PRR14: variants seen among roughly 807,000 people sequenced by gnomAD.
PRR14 encodes proline-rich protein 14.
PRR14 carries 33 observed loss-of-function variants against 57.2 expected under a neutral mutation model. The observed-to-expected ratio is 0.58, with a 90% CI of 0.44 to 0.77. The LOEUF (loss-of-function observed/expected upper bound fraction) is 0.77. Among genes scored for constraint, PRR14 ranks in the 30% least tolerant of loss-of-function variants. PRR14 has a pLI of 0.00. For synonymous variants in PRR14, 303 were observed against 314.7 expected, an observed-to-expected ratio of 0.96 and a Z score of 0.39; for missense variants, 716 against 788.1, an observed-to-expected ratio of 0.91 and a Z score of 1.10.
chr16:30,651,613 C>T lies in PRR14; in HGVS notation c.-33C>T. On this transcript the variant is annotated 5_prime_UTR_variant, in exon 2 of 12. Transcript: ENST00000300835. The surrounding 1 kb of genome is among the most constrained non-coding windows in gnomAD (Gnocchi z 5.0). Reference sequence around the variant, plus strand: ...TACCCCAGGCCGCAGCCTGGGATTCCCCAGGGACCCCCCCGGAGCCGCCGC... The same window carrying T: ...TACCCCAGGCCGCAGCCTGGGATTCTCCAGGGACCCCCCCGGAGCCGCCGC... The T allele has an allele frequency of 1.1e-5, 17 of 1,569,246 alleles. No individual in the cohort carries two copies. The highest frequency in any genetic ancestry group is 1.5e-5 in the Non-Finnish European group (17 of 1,157,088).
Position 30,655,694 on chromosome 16 carries a change from C to T in PRR14, c.1406+101C>T, listed in dbSNP as rs1446552389. The T allele has an allele frequency of 1.5e-6, 2 of 1,328,744 alleles. No individual in the cohort carries two copies. 82.3% of individuals were successfully genotyped at this position (1,328,744 alleles called of 1,614,324 possible). On this transcript the variant is annotated intron_variant, in intron 10 of 11. Coordinates refer to ENST00000300835, the MANE Select transcript of PRR14 (RefSeq NM_024031.5). The surrounding 1 kb of genome is among the most constrained non-coding windows in gnomAD (Gnocchi z 4.6). ...CTCCCCTCAGGGAGCACAGTCCAGC[C>T]TGAAAGATTCAATTCGGTGTGGGGA...
At chr16:30,653,260 C>T in intron 5 of PRR14, 105 bp from the exon 6 acceptor site, 1 of 1,441,742 alleles carries the variant, frequency 6.9e-7, no homozygotes, top group East Asian at 2.3e-5. Flanking sequence ...ATAAAAACGT[C>T]TTTGGCGTGA....
At position 30,652,980 on chromosome 16, in the gene PRR14, G is replaced by A; in HGVS notation, c.381G>A (p.Leu127=). 1 of 1,614,180 alleles carries A rather than the reference G, an allele frequency of 6.2e-7. No homozygotes were observed. The highest frequency in any genetic ancestry group is 8.5e-7 in the Non-Finnish European group (1 of 1,180,028). Residue 127 remains leucine (L), a synonymous_variant, in exon 5 of 12, where the codon CTG becomes CTA. Coordinates refer to ENST00000300835, the MANE Select transcript of PRR14 (RefSeq NM_024031.5). ...LSRIHRTSST[L]RRRSRTTPGP... ...GCATCCACCGGACCTCTTCCACCCT[G>A]AGGCGGCGATCAAGGACAACCCCTG...
Position 30,652,813 on chromosome 16 carries a change from C to T in PRR14, c.285C>T (p.Pro95=). Residue 95 remains proline (P), a synonymous_variant, in exon 4 of 12, where the codon CCC becomes CCT. Transcript: ENST00000300835. ...ACAGGCAGCCGCCTGCCTCGCCACC[C>T]CGGCAGGCCGGGTGGTCCTCGCAGG... ...PVHRQPPASP[P]RQAGWSSQAR... 1 of 1,614,212 alleles carries T rather than the reference C, an allele frequency of 6.2e-7. No homozygotes were observed. Among genetic ancestry groups the T allele is most frequent in the South Asian group, 1.1e-5 (1 of 91,088 alleles).
Position 30,653,117 on chromosome 16 carries a change from G to A in PRR14, c.504+14G>A. The A allele has an allele frequency of 6.3e-7, 1 of 1,581,682 alleles. No individual in the cohort carries two copies. The highest frequency in any genetic ancestry group is 1.4e-5 in the African/African-American group (1 of 74,014). On this transcript the variant is annotated intron_variant, in intron 5 of 11. Transcript: ENST00000300835. The stretch of plus-strand genomic sequence containing the variant: ...CCCCCCGCTGAGGTATGGGAACTGA[G>A]GGTACGGATGTCAAGGGTTCTGCTG...
intron 5 of PRR14, 28 bp from the exon 6 acceptor site, chr16:30,653,335 TCC>T (rs2052333328): frequency 6.2e-7 from 1 of 1,612,246 alleles, no homozygotes; most frequent in Middle Eastern, 1.7e-4. Context: ...CTTTCCTGCC[TCC>T]CCACAAACAT....
In PRR14 at chr16:30,655,844, G is replaced by A. The variant is rs1305897128; in HGVS notation, c.1407-24G>A. 4.3e-6 allele frequency: 7 copies of A among 1,613,696 alleles called. No individual in the cohort carries two copies. The highest frequency in any genetic ancestry group is 3.3e-4 in the Middle Eastern group (2 of 6,062). On this transcript the variant is annotated intron_variant, in intron 10 of 11. Coordinates refer to ENST00000300835, the MANE Select transcript of PRR14 (RefSeq NM_024031.5). The surrounding 1 kb of genome is among the most constrained non-coding windows in gnomAD (Gnocchi z 4.6). ...GGCCCCACTGGCCCAAGGTTTCTCA[G>A]TGGCCTCTGCTCTTTGCTCACAGGT...
Position 30,655,368 on chromosome 16 carries a change from G to C in PRR14, c.1262G>C (p.Gly421Ala). ...CTTGGCAGGTTGGGTTCAACCAAAG[G>C]GAAGGAGCCAAGAGCCTCAAAGGAC... ...PAEPRLGSTK[G>A]KEPRASKDQV... Residue 421 changes from glycine to alanine, a missense_variant, in exon 9 of 12, where the codon GGG becomes GCG. Transcript: ENST00000300835. This position sits in a 1 kb window ranked among gnomAD's most constrained non-coding sequence, Gnocchi z 4.6. 1 of 1,614,040 alleles carries C rather than the reference G, an allele frequency of 6.2e-7. No individual in the cohort carries two copies. The highest frequency in any genetic ancestry group is 8.5e-7 in the Non-Finnish European group (1 of 1,180,018).
At position 30,652,766 on chromosome 16, in the gene PRR14, A is replaced by T; in HGVS notation, c.238A>T (p.Ser80Cys). The change falls in exon 4 of 12, where the codon AGC (serine) becomes TGC (cysteine). Residue 80 changes from serine to cysteine, a missense_variant. Physicochemically the swap from Ser to Cys is moderately radical, Grantham distance 112. Coordinates refer to ENST00000300835, the MANE Select transcript of PRR14 (RefSeq NM_024031.5). ...SKQTSIPQHH[S>C]YHQDPVHRQP... is the part of the protein sequence containing the mutation. Reference sequence around the variant, plus strand: ...GCAGACCTCCATACCACAGCACCACAGCTACCATCAGGATCCTGTCCACAG... The same window carrying T: ...GCAGACCTCCATACCACAGCACCACTGCTACCATCAGGATCCTGTCCACAG... 6.2e-7 allele frequency: 1 copy of T among 1,614,190 alleles called. No homozygotes were observed.
In PRR14 at chr16:30,656,123, C is replaced by T. The variant is rs376888804; in HGVS notation, c.1570C>T (p.Arg524Trp). 1.9e-6 allele frequency: 3 copies of T among 1,572,986 alleles called. No homozygotes were observed. Among genetic ancestry groups the T allele is most frequent in the Non-Finnish European group, 2.6e-6 (3 of 1,161,504 alleles). The change falls in exon 12 of 12, where the codon CGG becomes TGG. Residue 524 changes from arginine to tryptophan, a missense_variant. Transcript: ENST00000300835. ...SRKLRRAVEFRDSSLPRSRRP... is the reference protein window; with the variant it reads ...SRKLRRAVEFWDSSLPRSRRP... ...GAAGCTCCGGCGGGCTGTGGAATTT[C>T]GGGACAGCAGCCTTCCTCGATCACG...
chr16:30,654,197 T>C, intron 6 of PRR14, 33 bp from the exon 7 acceptor site: 1 of 1,516,162 alleles, frequency 6.6e-7, no homozygotes, highest in Non-Finnish European at 9.2e-7. Flanking sequence ...TACCTGGAAG[T>C]TCCCCTAGCC....
Position 30,652,667 on chromosome 16 carries a change from G to C in PRR14, c.193-54G>C, listed in dbSNP as rs2052324808. On this transcript the variant is annotated intron_variant, in intron 3 of 11. Transcript: ENST00000300835. Reference sequence around the variant, plus strand: ...GCACTGTGAGGCACAGGGAAACCTTGTCCCGTCCAGCCTCATTCTATCACC... The same window carrying C: ...GCACTGTGAGGCACAGGGAAACCTTCTCCCGTCCAGCCTCATTCTATCACC... 4.3e-6 allele frequency: 7 copies of C among 1,610,350 alleles called. No homozygotes were observed. The East Asian group carries it at 1.6e-4, about 36-fold the overall frequency.
chr16:30,651,759 G>A lies in PRR14; in HGVS notation c.24-37G>A, dbSNP rs1382741734. On this transcript the variant is annotated intron_variant, in intron 2 of 11. Transcript: ENST00000300835. This position sits in a 1 kb window ranked among gnomAD's most constrained non-coding sequence, Gnocchi z 5.0. ...CGGGAAACTACAGAGCCAGCGACAGGTTCGGGCGACCGTCCTCTGCTTCTT... is the reference window on the plus strand; with the variant it reads ...CGGGAAACTACAGAGCCAGCGACAGATTCGGGCGACCGTCCTCTGCTTCTT... The A allele has an allele frequency of 6.2e-7, 1 of 1,609,872 alleles. No individual in the cohort carries two copies. The highest frequency in any genetic ancestry group is 8.5e-7 in the Non-Finnish European group (1 of 1,179,792).
Position 30,655,118 on chromosome 16 carries a change from A to G in PRR14, c.1148A>G (p.Glu383Gly). 1 of 1,611,768 alleles carries G rather than the reference A, an allele frequency of 6.2e-7. No individual in the cohort carries two copies. Among genetic ancestry groups the G allele is most frequent in the South Asian group, 1.1e-5 (1 of 91,040 alleles). ...PPPPRPCLRK[E>G]VFPLGGVGAS... ...CCCCCTCGGCCCTGTCTCCGGAAAG[A>G]GGTCTTCCCTCTCGGAGGAGTGGGA... The change falls in exon 8 of 12, where the codon GAG (glutamate) becomes GGG (glycine). Residue 383 changes from glutamate to glycine, a missense_variant. By Grantham distance (98) the Glu-to-Gly change is moderately conservative. Coordinates refer to ENST00000300835, the MANE Select transcript of PRR14 (RefSeq NM_024031.5). This position sits in a 1 kb window ranked among gnomAD's most constrained non-coding sequence, Gnocchi z 4.6.
rs1412588651 is a variant in PRR14 at position 30,651,935 on chromosome 16, G to A, written c.163G>A (p.Val55Met). The A allele has an allele frequency of 1.9e-6, 3 of 1,559,646 alleles. No individual in the cohort carries two copies. The highest frequency in any genetic ancestry group is 2.7e-5 in the African/African-American group (2 of 72,872). Residue 55 changes from valine (V) to methionine (M), a missense_variant, in exon 3 of 12, where the codon GTG (valine) becomes ATG (methionine). By Grantham distance (21) the Val-to-Met change is conservative. Transcript: ENST00000300835. The surrounding 1 kb of genome is among the most constrained non-coding windows in gnomAD (Gnocchi z 5.0). Reference protein sequence around the residue: ...EKASRRVLAVVLEDVMAVHMV... With the variant: ...EKASRRVLAVMLEDVMAVHMV... Reference sequence around the variant, plus strand: ...GGCCTCTCGGCGGGTCCTGGCCGTGGTGCTAGAAGATGTCATGGCTGTTCA... The same window carrying A: ...GGCCTCTCGGCGGGTCCTGGCCGTGATGCTAGAAGATGTCATGGCTGTTCA...
In PRR14 at chr16:30,654,646, G is replaced by C; in HGVS notation, c.676G>C (p.Glu226Gln). The C allele has an allele frequency of 6.2e-7, 1 of 1,607,202 alleles. No individual in the cohort carries two copies. The highest frequency in any genetic ancestry group is 8.5e-7 in the Non-Finnish European group (1 of 1,175,818). Residue 226 changes from glutamate to glutamine, a missense_variant, in exon 8 of 12, where the codon GAG becomes CAG. Coordinates refer to ENST00000300835, the MANE Select transcript of PRR14 (RefSeq NM_024031.5). ...SPPTAPDPALELPSTPPPSSL... is the reference protein window; with the variant it reads ...SPPTAPDPALQLPSTPPPSSL... ...TTCCTCAGCCCCAGATCCTGCTCTG[G>C]AGCTCCCATCCACCCCACCACCGTC...
Position 30,651,959 on chromosome 16 carries a change from C to T in PRR14, c.187C>T (p.His63Tyr), listed in dbSNP as rs777345686. 6.5e-7 allele frequency: 1 copy of T among 1,531,576 alleles called. No individual in the cohort carries two copies. Among genetic ancestry groups the T allele is most frequent in the South Asian group, 1.3e-5 (1 of 77,760 alleles). The allele number at this position is 1,531,576 out of a possible 1,614,324, so 94.9% of individuals were successfully genotyped here. ...AVVLEDVMAV[H>Y]MVPVVPSKQT... ...GGTGCTAGAAGATGTCATGGCTGTT[C>T]ACATGGTGAGCCCCCTGAACCAAGA... The change falls in exon 3 of 12, where the codon CAC (histidine) becomes TAC (tyrosine). Residue 63 changes from histidine (H) to tyrosine (Y), a missense_variant. Physicochemically the swap from His to Tyr is moderately conservative, Grantham distance 83 (BLOSUM62 2). Transcript: ENST00000300835. This position sits in a 1 kb window ranked among gnomAD's most constrained non-coding sequence, Gnocchi z 5.0.
intron 5 of PRR14, 122 bp from the exon 6 acceptor site, chr16:30,653,243 A>G (rs2052332230): frequency 3.6e-6 from 5 of 1,392,302 alleles, no homozygotes; most frequent in Non-Finnish European, 5.0e-6. Flanking sequence ...GCCTGAGCAA[A>G]GACTATATAA....
chr16:30,652,739 A>G lies in PRR14; in HGVS notation c.211A>G (p.Lys71Glu). The G allele has an allele frequency of 1.9e-6, 3 of 1,614,060 alleles. No individual in the cohort carries two copies. Among genetic ancestry groups the G allele is most frequent in the Non-Finnish European group, 2.5e-6 (3 of 1,180,006 alleles). ...AVHMVPVVPS[K>E]QTSIPQHHSY... ...CTTCCAGGTCCCCGTGGTGCCCTCA[A>G]AGCAGACCTCCATACCACAGCACCA... Residue 71 changes from lysine to glutamate, a missense_variant, in exon 4 of 12, where the codon AAG (lysine) becomes GAG (glutamate). Lys to Glu is a moderately conservative substitution (Grantham distance 56). Transcript: ENST00000300835.
Sources: gnomAD v4.1 joint callset for allele counts on GRCh38, gnomAD v4.1.1 for gene constraint, Gnocchi (gnomAD v3.1) non-coding constraint, MANE v1.5 for transcripts, NCBI Gene and HGNC (gene_info 2026-07-23, HGNC 2026-07-21) for gene names.